The following FOXK2 variants were observed in gnomAD, a reference collection of about 807,000 sequenced individuals.
FOXK2 encodes forkhead box K2, also known as forkhead box protein K2.
FOXK2 carries 24 observed loss-of-function variants against 53.3 expected under a neutral mutation model. That is an observed-to-expected ratio of 0.45 (90% CI 0.33 to 0.63). The LOEUF is 0.63. Ranked by LOEUF, FOXK2 falls within the 30% of genes least tolerant of loss-of-function variation. The pLI is 0.03. For missense variants in FOXK2, 952 were observed against 910.5 expected, an observed-to-expected ratio of 1.05 and a Z score of -0.59; for synonymous variants, 505 against 407.1, an observed-to-expected ratio of 1.24 and a Z score of -2.89.
intron 8 of FOXK2, among the ~76,000 whole-genome samples, chr17:82,597,520 G>A (rs2045327078): frequency 6.6e-6 from 1 of 152,220 alleles, no homozygotes; most frequent in Non-Finnish European, 1.5e-5. Context: ...TTCAGGGCCG[G>A]GCGTGTTAGC....
At chr17:82,593,348 G>C (rs1205854100) in intron 8 of FOXK2, 1 of 148,968 alleles carries the variant, frequency 6.7e-6, no homozygotes, top group Non-Finnish European at 1.5e-5. Context: ...GTTTCTGGAA[G>C]GAAGGAAGGA....
At chr17:82,594,265 G>C (rs1338940066) in intron 8 of FOXK2, among the ~76,000 whole-genome samples, 1 of 152,156 alleles carries the variant, frequency 6.6e-6, no homozygotes, top group Non-Finnish European at 1.5e-5. Flanking sequence ...TTGGGAGGCC[G>C]AGGCGGGCGG....
At chr17:82,576,884 G>A (rs1021527504) in intron 4 of FOXK2, 18 of 487,434 alleles carry the variant, frequency 3.7e-5, no homozygotes, top group African/African-American at 2.4e-4. Context: ...TGCAGGCTGG[G>A]TGCGGTGGCT....
In FOXK2 at chr17:82,585,947, G is replaced by A. The variant is rs1218746900; in HGVS notation, c.1323G>A (p.Arg441=). The change falls in exon 7 of 9, where the codon CGG becomes CGA. Residue 441 remains arginine, a synonymous_variant. Coordinates refer to ENST00000335255, the MANE Select transcript of FOXK2 (RefSeq NM_004514.4). ...AGCCAGTCTTAATCACCGTCCAGCG[G>A]CAGCTACCACAGGCCATCAAGCCTG... The part of the protein sequence containing the change: ...SSQPVLITVQ[R]QLPQAIKPVT... 3 of 1,612,558 alleles carry A rather than the reference G, an allele frequency of 1.9e-6. No individual in the cohort carries two copies. Among genetic ancestry groups the A allele is most frequent in the African/African-American group, 1.3e-5 (1 of 74,940 alleles).
intron 4 of FOXK2, among the ~76,000 whole-genome samples, chr17:82,573,560 TCTCACA>T (rs1182895536): frequency 0.011 from 1,142 of 101,796 alleles, 16 homozygotes; most frequent in African/African-American, 0.041. Context: ...TCTCTCTCTC[TCTCACA>T]CACACACACA....
intron 5 of FOXK2, among the ~76,000 whole-genome samples, chr17:82,583,411 GTGGCGCGCGCCTGTAA>G (rs1277574401): frequency 1.3e-5 from 2 of 152,226 alleles, no homozygotes; most frequent in African/African-American, 4.8e-5. Context: ...GCCGGGCGCG[GTGGCGCGCGCCTGTAA>G]TCCCAGCTAC....
At chr17:82,594,553 T>C (rs1046359890) in intron 8 of FOXK2, among the ~76,000 whole-genome samples, 16 of 150,434 alleles carry the variant, frequency 1.1e-4, no homozygotes, top group African/African-American at 2.7e-4. Context: ...TTGGAATTTA[T>C]GTGGGGAGGA....
chr17:82,567,926 C>CT (rs3065019), intron 2 of FOXK2, 128 bp from the exon 3 acceptor site: 11,433 of 420,368 alleles, frequency 0.027, 176 homozygotes, highest in African/African-American at 0.043. Flanking sequence ...TATTCTCTTC[C>CT]TTTTTTTTTT....
intron 1 of FOXK2, among the ~76,000 whole-genome samples, chr17:82,552,164 G>A (rs975107052): frequency 6.6e-6 from 1 of 152,268 alleles, no homozygotes; most frequent in South Asian, 2.1e-4. Flanking sequence ...GTTGAGGTTT[G>A]CATTGGACAT....
Position 82,587,182 on chromosome 17 carries a change from G to A in FOXK2, c.1696G>A (p.Gly566Ser), listed in dbSNP as rs1168150297. 6.2e-7 allele frequency: 1 copy of A among 1,612,960 alleles called. No homozygotes were observed. The highest frequency in any genetic ancestry group is 8.5e-7 in the Non-Finnish European group (1 of 1,180,034). The change falls in exon 8 of 9, where the codon GGT (glycine) becomes AGT (serine). Residue 566 changes from glycine to serine, a missense_variant. By Grantham distance (56) the Gly-to-Ser change is moderately conservative. This residue lies in a region of FOXK2 where 551 missense variants were observed against 385.1 expected (regional missense o/e 1.43). Transcript: ENST00000335255. ...TVTIVQQAPLGQHQLPIKTVT... is the reference protein window; with the variant it reads ...TVTIVQQAPLSQHQLPIKTVT... ...GACCATAGTACAACAGGCACCTCTA[G>A]GTCAACACCAGCTACCAATAAAAAC...
At chr17:82,597,589 C>A (rs547532395) in intron 8 of FOXK2, among the ~76,000 whole-genome samples, 334 of 152,310 alleles carry the variant, frequency 2.2e-3, no homozygotes, top group African/African-American at 7.5e-3. Flanking sequence ...GAGTACCTCG[C>A]GACAGAGGCT....
At chr17:82,576,340 G>T (rs934117056) in intron 4 of FOXK2, among the ~76,000 whole-genome samples, 1 of 152,196 alleles carries the variant, frequency 6.6e-6, no homozygotes, top group Non-Finnish European at 1.5e-5. Flanking sequence ...ACATGGGCTC[G>T]CTCCAGAGGC....
chr17:82,573,512 C>T (rs1451125931), intron 4 of FOXK2, among the ~76,000 whole-genome samples: 1 of 151,548 alleles, frequency 6.6e-6, no homozygotes, highest in Non-Finnish European at 1.5e-5. Flanking sequence ...GGCTGTGCTT[C>T]AAACTATATA....
intron 4 of FOXK2, among the ~76,000 whole-genome samples, chr17:82,573,480 C>T (rs1261382449): frequency 6.6e-6 from 1 of 151,316 alleles, no homozygotes; most frequent in Non-Finnish European, 1.5e-5. Context: ...AAATTCTGGC[C>T]GTATTTACTC....
At chr17:82,593,355 A>AGGAGGGAG (rs373881588) in intron 8 of FOXK2, 4 of 132,330 alleles carry the variant, frequency 3.0e-5, no homozygotes, top group African/African-American at 5.6e-5. Flanking sequence ...GAAGGAAGGA[A>AGGAGGGAG]GGAGGGAGGG....
chr17:82,525,597 A>G (rs1295040184), intron 1 of FOXK2, among the ~76,000 whole-genome samples: 1 of 152,186 alleles, frequency 6.6e-6, no homozygotes, highest in East Asian at 1.9e-4. Flanking sequence ...TTTTGTTGCC[A>G]TGGTAACAAA....
chr17:82,525,886 C>T (rs1005998813), intron 1 of FOXK2, among the ~76,000 whole-genome samples: 5 of 152,124 alleles, frequency 3.3e-5, no homozygotes, highest in Non-Finnish European at 4.4e-5. Flanking sequence ...TGGCCTGAAT[C>T]CCACACTTTC....
At chr17:82,587,403 G>T in intron 8 of FOXK2, 131 bp downstream of exon 8, 1 of 738,734 alleles carries the variant, frequency 1.4e-6, no homozygotes, top group African/African-American at 1.7e-5. Context: ...TTTCGAAGCT[G>T]CAGGAAATCT....
intron 1 of FOXK2, among the ~76,000 whole-genome samples, chr17:82,562,726 A>G (rs867951061): frequency 7.2e-5 from 11 of 152,116 alleles, no homozygotes; most frequent in Middle Eastern, 3.2e-3. Context: ...TAAGTCTACT[A>G]TAAGACCCAA....
Sources: gnomAD v4.1 joint callset for allele counts (sites outside exome capture counted in the v4.1 genomes callset) on GRCh38, gnomAD v4.1.1 for gene constraint, gnomAD v4.1.1 regional missense constraint, MANE v1.5 for transcripts, NCBI Gene and HGNC (gene_info 2026-07-23, HGNC 2026-07-21) for gene names.